NEB: variants seen among roughly 807,000 people sequenced by gnomAD.
The protein encoded by NEB is nebulin.
NEB carries 512 observed loss-of-function variants against 952.2 expected under a neutral mutation model. The ratio of observed to expected loss-of-function variants is 0.54; its 90% CI spans 0.50 to 0.58. The LOEUF (loss-of-function observed/expected upper bound fraction) is 0.58, where lower values mean the gene tolerates loss of function less well. Ranked by LOEUF, NEB falls within the 20% of genes least tolerant of loss-of-function variation. The pLI is 0.00. For missense variants in NEB, 8,428 were observed against 9,231.1 expected (o/e 0.91, Z 3.56); for synonymous variants, 2,900 against 3,149.8 (o/e 0.92, Z 2.66).
chr2:151,679,750 C>A lies in NEB; in HGVS notation c.3226G>T (p.Ala1076Ser), dbSNP rs1476900730. Residue 1076 changes from alanine to serine, a missense_variant, in exon 32 of 182, where the codon GCC (alanine) becomes TCC (serine). Physicochemically the swap from Ala to Ser is moderately conservative, Grantham distance 99. Transcript: ENST00000397345. ...LRTDAIPIRA[A>S]KAARQAASDV... is the part of the protein sequence containing the mutation. ...CTCGCCGCCTGCCTGGCAGCTTTGG[C>A]AGCTCTGATGGGAATCGCATCAGTT... 1 of 1,432,216 alleles carries A rather than the reference C, an allele frequency of 7.0e-7. No homozygotes were observed. The highest frequency in any genetic ancestry group is 3.5e-5 in the East Asian group (1 of 28,184). The allele number at this position is 1,432,216 out of a possible 1,614,324, so 88.7% of individuals were successfully genotyped here.
chr2:151,569,493 A>T, intron 109 of NEB, 121 bp from the exon 110 acceptor site: 1 of 751,050 alleles, frequency 1.3e-6, no homozygotes, highest in Non-Finnish European at 2.4e-6. Context: ...GGACATACTC[A>T]AGCAGCCACG....
intron 181 of NEB, among the ~76,000 whole-genome samples, chr2:151,487,434 A>G (rs1213139610): frequency 2.0e-5 from 3 of 152,158 alleles, no homozygotes; most frequent in Non-Finnish European, 4.4e-5. Context: ...TCACAAATAG[A>G]TTTCCTTTCC....
chr2:151,537,748 A>G (rs2093417623), intron 140 of NEB, 124 bp downstream of exon 140: 2 of 581,526 alleles, frequency 3.4e-6, no homozygotes, highest in East Asian at 6.3e-5. Flanking sequence ...TTTATGATTT[A>G]AACATCCACA....
At chr2:151,692,762 G>A (rs967213983) in intron 20 of NEB, among the ~76,000 whole-genome samples, 2 of 152,128 alleles carry the variant, frequency 1.3e-5, no homozygotes, top group African/African-American at 4.8e-5. Context: ...TCAAGGCCAG[G>A]AGTTCAACAC....
In NEB at chr2:151,540,389, C is replaced by T. The variant is rs759425229; in HGVS notation, c.20847G>A (p.Thr6949=). Residue 6949 remains threonine (T), a synonymous_variant, in exon 138 of 182, where the codon ACG becomes ACA. Transcript: ENST00000397345. ...MKDKYTPVPD[T]PILIRAKRAY... ...CCCTCTTGGCTCTGATGAGGATTGG[C>T]GTATCTGGAACCGGAGTGTACTTGT... is the stretch of plus-strand genomic sequence containing the variant. 1.2e-5 allele frequency: 19 copies of T among 1,586,192 alleles called. No homozygotes were observed. Among genetic ancestry groups the T allele is most frequent in the Non-Finnish European group, 1.5e-5 (18 of 1,164,566 alleles).
chr2:151,730,942 C>A (rs2099806410), intron 3 of NEB, among the ~76,000 whole-genome samples: 1 of 152,198 alleles, frequency 6.6e-6, no homozygotes, highest in African/African-American at 2.4e-5. Flanking sequence ...AAATCACAAG[C>A]ACTGACAGGA....
intron 140 of NEB, among the ~76,000 whole-genome samples, 155 bp from the exon 141 acceptor site, chr2:151,537,391 T>C (rs1299126801): frequency 6.6e-5 from 10 of 152,222 alleles, no homozygotes; most frequent in Non-Finnish European, 1.5e-5. Flanking sequence ...TTTTCAGTAA[T>C]ACTGACCTTT....
Position 151,697,590 on chromosome 2 carries a change from G to A in NEB, c.1211C>T (p.Thr404Ile), listed in dbSNP as rs200585609. 133 of 1,613,024 alleles carry A rather than the reference G, an allele frequency of 8.2e-5. No individual in the cohort carries two copies. Among genetic ancestry groups the A allele is most frequent in the Admixed American group, 7.7e-4 (46 of 59,828 alleles). The change falls in exon 14 of 182, where the codon ACC (threonine) becomes ATC (isoleucine). Residue 404 changes from threonine (T) to isoleucine (I), a missense_variant. Thr to Ile is a moderately conservative substitution (Grantham distance 89, BLOSUM62 -1). This residue lies in a region of NEB where 2,851 missense variants were observed against 2,791.5 expected (regional missense o/e 1.02). Transcript: ENST00000397345. ...TKAKSINYCE[T>I]PKFKLDTVLQ... Reference sequence around the variant, plus strand: ...AACAGTATCGAGCTTGAATTTGGGGGTCTCGCAGTAATTTATGCTCTTTGC... The same window carrying A: ...AACAGTATCGAGCTTGAATTTGGGGATCTCGCAGTAATTTATGCTCTTTGC...
intron 109 of NEB, 79 bp from the exon 110 acceptor site, chr2:151,569,451 A>C (rs533799220): frequency 1.9e-6 from 2 of 1,069,106 alleles, no homozygotes; most frequent in African/African-American, 3.1e-5. Flanking sequence ...TCTCATGAAG[A>C]AATACAATGT....
At chr2:151,499,545 G>T in intron 168 of NEB, 155 bp from the exon 169 acceptor site, 1 of 512,272 alleles carries the variant, frequency 2.0e-6, no homozygotes, top group South Asian at 2.5e-5. Context: ...ATCTGGGTGA[G>T]AACATGTTTT....
chr2:151,493,627 G>A (rs2152857535), intron 175 of NEB, 148 bp downstream of exon 175: 3 of 745,194 alleles, frequency 4.0e-6, no homozygotes, highest in Non-Finnish European at 6.3e-6. Flanking sequence ...GTGACCTCGT[G>A]GGGTTGGTTT....
At chr2:151,497,462 G>T (rs1369521906) in intron 171 of NEB, 164 bp downstream of exon 171, 1 of 982,498 alleles carries the variant, frequency 1.0e-6, no homozygotes, top group Non-Finnish European at 1.2e-6. Flanking sequence ...AATGGGAATG[G>T]TGTTAGGCTA....
At chr2:151,669,322 G>T (rs2099257827) in intron 38 of NEB, among the ~76,000 whole-genome samples, 191 bp from the exon 39 acceptor site, 1 of 152,144 alleles carries the variant, frequency 6.6e-6, no homozygotes, top group Non-Finnish European at 1.5e-5. Context: ...TTATTGGACA[G>T]CACTGTGGGC....
intron 157 of NEB, among the ~76,000 whole-genome samples, chr2:151,516,060 T>C (rs1005181025): frequency 2.6e-5 from 4 of 152,212 alleles, no homozygotes; most frequent in Non-Finnish European, 4.4e-5. Context: ...TTGATAAACA[T>C]CTTGATCACA....
At chr2:151,714,102 G>A (rs1280748862) in intron 10 of NEB, among the ~76,000 whole-genome samples, 3 of 151,950 alleles carry the variant, frequency 2.0e-5, no homozygotes, top group Non-Finnish European at 4.4e-5. Context: ...TTGTTTCCCC[G>A]CTAACCTCCC....
At chr2:151,649,027 T>G (rs1254672483) in intron 54 of NEB, among the ~76,000 whole-genome samples, 1 of 152,168 alleles carries the variant, frequency 6.6e-6, no homozygotes, top group East Asian at 1.9e-4. Flanking sequence ...ATCGATAAAC[T>G]TAATGATCTA....
intron 9 of NEB, among the ~76,000 whole-genome samples, chr2:151,718,952 T>G (rs988853583): frequency 1.3e-5 from 2 of 152,160 alleles, no homozygotes; most frequent in African/African-American, 4.8e-5. Flanking sequence ...CTTCACGGCC[T>G]CGTACATGCT....
chr2:151,647,492 G>T (rs1241282346), intron 54 of NEB, among the ~76,000 whole-genome samples: 1 of 152,166 alleles, frequency 6.6e-6, no homozygotes, highest in East Asian at 1.9e-4. Context: ...AATTACAAAG[G>T]ATAAAATGGT....
At chr2:151,543,318 C>T (rs947470063) in intron 135 of NEB, among the ~76,000 whole-genome samples, 8 of 152,316 alleles carry the variant, frequency 5.3e-5, no homozygotes, top group Non-Finnish European at 8.8e-5. Context: ...CAGGCACACA[C>T]ATCAATTTCT....
Sources: allele counts gnomAD v4.1 joint callset (sites outside exome capture counted in the v4.1 genomes callset), GRCh38; gene constraint gnomAD v4.1.1; regional missense constraint gnomAD v4.1.1; transcripts MANE v1.5; gene names NCBI Gene and HGNC (gene_info 2026-07-23, HGNC 2026-07-21).